The following ZNF713 variants were observed in gnomAD, a reference collection of about 807,000 sequenced individuals.
ZNF713 encodes zinc finger protein 713.
Under a neutral mutation model 28.7 loss-of-function variants are expected in ZNF713, and 21 were observed. The observed-to-expected ratio is 0.73, with a 90% CI of 0.52 to 1.05. ZNF713 has a LOEUF of 1.05. Among genes scored for constraint, ZNF713 ranks in the 50% least tolerant of loss-of-function variants. ZNF713 has a pLI of 0.00. For missense variants in ZNF713, 458 were observed against 532.4 expected (o/e 0.86, Z 1.37); for synonymous variants, 167 against 178.0 (o/e 0.94, Z 0.49).
Position 55,941,933 on chromosome 7 carries a change from T to C in ZNF713, c.*1927T>C, listed in dbSNP as rs560098438. Reference sequence around the variant, plus strand: ...ACTTGAGGGTCCTATTGATGAACTTTGAAATATTGATTCAGAGAAGTCTGC... The same window carrying C: ...ACTTGAGGGTCCTATTGATGAACTTCGAAATATTGATTCAGAGAAGTCTGC... On this transcript the variant is annotated 3_prime_UTR_variant, in exon 7 of 7. Transcript: ENST00000429591. The C allele has an allele frequency of 6.6e-6, 1 of 152,322 alleles. No individual in the cohort carries two copies. Among genetic ancestry groups the C allele is most frequent in the South Asian group, 2.1e-4 (1 of 4,830 alleles). The allele number at this position is 152,322 out of a possible 1,614,324, so 9.4% of individuals were successfully genotyped here.
chr7:55,915,608 ACG>A (rs1195466175), intron 4 of ZNF713, among the ~76,000 whole-genome samples: 1 of 152,150 alleles, frequency 6.6e-6, no homozygotes, highest in Non-Finnish European at 1.5e-5. Context: ...AGTAGAACCT[ACG>A]AAAAGTAAGT....
intron 6 of ZNF713, among the ~76,000 whole-genome samples, chr7:55,926,306 T>A (rs1466496351): frequency 2.6e-5 from 4 of 152,106 alleles, no homozygotes; most frequent in Admixed American, 6.6e-5. Context: ...CGAGACTCTG[T>A]CTCCAAAAAA....
At chr7:55,897,102 C>G (rs188644614) in intron 1 of ZNF713, among the ~76,000 whole-genome samples, 1 of 151,846 alleles carries the variant, frequency 6.6e-6, no homozygotes, top group African/African-American at 2.4e-5. Context: ...TGGAAAAATT[C>G]CAATACTAAA....
At chr7:55,903,683 A>C (rs1584301141) in intron 1 of ZNF713, among the ~76,000 whole-genome samples, 1 of 151,574 alleles carries the variant, frequency 6.6e-6, no homozygotes, top group South Asian at 2.1e-4. Flanking sequence ...AAAAAACAAA[A>C]AAAAACCTAC....
chr7:55,937,909 ATAAGAAT>A (rs61414170), intron 6 of ZNF713, among the ~76,000 whole-genome samples: 43,148 of 151,124 alleles, frequency 0.29, 6,490 homozygotes, highest in African/African-American at 0.37. Context: ...TTCTCAAAAA[ATAAGAAT>A]TAAGAGGCCG....
chr7:55,919,489 A>G (rs1479244840), intron 4 of ZNF713, among the ~76,000 whole-genome samples: 2 of 60,226 alleles, frequency 3.3e-5, no homozygotes, highest in East Asian at 4.5e-4. Flanking sequence ...TAAACACTCC[A>G]GTTTTTTTTT....
At position 55,941,847 on chromosome 7, in the gene ZNF713, A is replaced by G. The variant is rs1374500131; in HGVS notation, c.*1841A>G. On this transcript the variant is annotated 3_prime_UTR_variant, in exon 7 of 7. Transcript: ENST00000429591. ...ATATCCTGTGATGATTCTTTTTGCA[A>G]TCTTGACATTATTTTCATCAAATGA... is the stretch of plus-strand genomic sequence containing the variant. The G allele has an allele frequency of 6.6e-6, 1 of 152,130 alleles. No individual in the cohort carries two copies. Among genetic ancestry groups the G allele is most frequent in the Non-Finnish European group, 1.5e-5 (1 of 68,026 alleles). The allele number at this position is 152,130 out of a possible 1,614,324, so 9.4% of individuals were successfully genotyped here.
chr7:55,892,718 C>A (rs1785410007), intron 1 of ZNF713, among the ~76,000 whole-genome samples: 2 of 151,286 alleles, frequency 1.3e-5, no homozygotes, highest in Admixed American at 1.3e-4. Context: ...ACTGAAGATA[C>A]AAAATTAGCC....
chr7:55,929,474 ACCT>A (rs1786167504), intron 6 of ZNF713, among the ~76,000 whole-genome samples: 1 of 152,168 alleles, frequency 6.6e-6, no homozygotes, highest in East Asian at 1.9e-4. Flanking sequence ...TGAAATGTGC[ACCT>A]CCTCATATAT....
chr7:55,935,505 T>A lies in ZNF713; in HGVS notation c.308-3477T>A, dbSNP rs543936582. Among the ~76,000 whole-genome samples, 6 of 152,302 alleles carry A rather than the reference T, an allele frequency of 3.9e-5. No homozygotes were observed. The South Asian group carries it at 1.2e-3, about 32-fold the overall frequency. On this transcript the variant is annotated intron_variant, in intron 6 of 6. Transcript: ENST00000429591. ...AAATACATACACATAGTTACTCATA[T>A]ATACGTGTGTGTTAGAAGGGACTCT...
At chr7:55,905,501 CAT>C (rs1281760983) in intron 1 of ZNF713, among the ~76,000 whole-genome samples, 1 of 152,012 alleles carries the variant, frequency 6.6e-6, no homozygotes, top group African/African-American at 2.4e-5. Context: ...GTGTAACAGA[CAT>C]AAAATACTAA....
At chr7:55,927,566 T>G (rs1045945267) in intron 6 of ZNF713, among the ~76,000 whole-genome samples, 2 of 151,500 alleles carry the variant, frequency 1.3e-5, no homozygotes, top group African/African-American at 2.4e-5. Flanking sequence ...ATTTTACTTG[T>G]TTATAATGCT....
At chr7:55,932,791 G>A (rs1321908366) in intron 6 of ZNF713, among the ~76,000 whole-genome samples, 1 of 143,824 alleles carries the variant, frequency 7.0e-6, no homozygotes, top group Non-Finnish European at 1.5e-5. Context: ...GGCTGAGGTG[G>A]GAGAATGGCG....
chr7:55,913,195 CTTTTTTTTTTT>C (rs66851959), intron 4 of ZNF713, among the ~76,000 whole-genome samples: 5 of 88,132 alleles, frequency 5.7e-5, no homozygotes, highest in Admixed American at 2.7e-4. Flanking sequence ...GTTTTGATTC[CTTTTTTTTTTT>C]TTTTTTTTTT....
intron 1 of ZNF713, among the ~76,000 whole-genome samples, chr7:55,890,209 G>A (rs1459695712): frequency 6.6e-6 from 1 of 152,068 alleles, no homozygotes; most frequent in Non-Finnish European, 1.5e-5. Context: ...CAGCACTTTG[G>A]AAGGCCGAGG....
intron 6 of ZNF713, 125 bp downstream of exon 6, chr7:55,923,824 C>T (rs569427587): frequency 1.6e-6 from 1 of 615,118 alleles, no homozygotes; most frequent in Non-Finnish European, 2.8e-6. Context: ...TGAAAAAAAT[C>T]AGTTCATATT....
chr7:55,921,218 C>T (rs1171607375), intron 4 of ZNF713, among the ~76,000 whole-genome samples: 2 of 152,150 alleles, frequency 1.3e-5, no homozygotes, highest in African/African-American at 4.8e-5. Flanking sequence ...AAAATTACTG[C>T]TCATTGACAA....
chr7:55,927,745 A>G (rs1786128094), intron 6 of ZNF713, among the ~76,000 whole-genome samples: 1 of 151,626 alleles, frequency 6.6e-6, no homozygotes, highest in South Asian at 2.1e-4. Flanking sequence ...ACAAATACAA[A>G]AATTAGCTGG....
Position 55,941,851 on chromosome 7 carries a change from T to G in ZNF713, c.*1845T>G, listed in dbSNP as rs977643630. 6.6e-6 allele frequency: 1 copy of G among 152,186 alleles called. No individual in the cohort carries two copies. The highest frequency in any genetic ancestry group is 6.5e-5 in the Admixed American group (1 of 15,270). 9.4% of individuals were successfully genotyped at this position (152,186 alleles called of 1,614,324 possible). On this transcript the variant is annotated 3_prime_UTR_variant, in exon 7 of 7. Transcript: ENST00000429591. ...CCTGTGATGATTCTTTTTGCAATCT[T>G]GACATTATTTTCATCAAATGAATCC...
Sources: allele counts gnomAD v4.1 joint callset (sites outside exome capture counted in the v4.1 genomes callset), GRCh38; gene constraint gnomAD v4.1.1; transcripts MANE v1.5; gene names NCBI Gene and HGNC (gene_info 2026-07-23, HGNC 2026-07-21).